The following SLC49A4 variants were observed in gnomAD, a reference collection of about 807,000 sequenced individuals.
SLC49A4 encodes disrupted in renal cancer protein 2.
Under a neutral mutation model 50.6 loss-of-function variants are expected in SLC49A4, and 36 were observed. The observed-to-expected ratio is 0.71, with a 90% CI of 0.55 to 0.94. SLC49A4 has a LOEUF of 0.94. SLC49A4 is among the 40% of genes least tolerant of loss of function. SLC49A4 has a pLI of 0.00. For synonymous variants in SLC49A4, 248 were observed against 241.2 expected (o/e 1.03, Z -0.26); for missense variants, 503 against 605.7 (o/e 0.83, Z 1.78).
intron 7 of SLC49A4, among the ~76,000 whole-genome samples, chr3:122,865,816 A>G (rs1428743576): frequency 6.6e-6 from 1 of 152,190 alleles, no homozygotes; most frequent in Non-Finnish European, 1.5e-5. Flanking sequence ...AAGTTTGTCC[A>G]GTAAAGTGTG....
chr3:122,860,258 C>T, intron 7 of SLC49A4, 56 bp downstream of exon 7: 17 of 1,441,782 alleles, frequency 1.2e-5, no homozygotes, highest in East Asian at 2.6e-5. Context: ...CAGAAGTGTA[C>T]ATAACTCTGA....
At chr3:122,840,930 T>G (rs541873153) in intron 4 of SLC49A4, among the ~76,000 whole-genome samples, 2 of 152,316 alleles carry the variant, frequency 1.3e-5, no homozygotes, top group Admixed American at 6.5e-5. Flanking sequence ...AACACTTCTG[T>G]AGAATACTAT....
chr3:122,832,668 A>G (rs558658673), intron 3 of SLC49A4, among the ~76,000 whole-genome samples: 1 of 152,078 alleles, frequency 6.6e-6, no homozygotes, highest in Non-Finnish European at 1.5e-5. Flanking sequence ...AATCTCTTTT[A>G]TAGTAAGGTA....
At chr3:122,807,566 A>G (rs1470248488) in intron 2 of SLC49A4, among the ~76,000 whole-genome samples, 1 of 152,162 alleles carries the variant, frequency 6.6e-6, no homozygotes, top group Non-Finnish European at 1.5e-5. Context: ...TTGTTTTTAT[A>G]TTGGTTATGA....
At chr3:122,832,679 C>T (rs988890385) in intron 3 of SLC49A4, among the ~76,000 whole-genome samples, 4 of 152,060 alleles carry the variant, frequency 2.6e-5, no homozygotes, top group Non-Finnish European at 5.9e-5. Flanking sequence ...TAGTAAGGTA[C>T]TGTTGGCTTT....
chr3:122,802,892 A>C (rs1936154250), intron 1 of SLC49A4, among the ~76,000 whole-genome samples: 2 of 152,162 alleles, frequency 1.3e-5, no homozygotes, highest in Non-Finnish European at 2.9e-5. Flanking sequence ...AAAACCGATC[A>C]AACAAAAAAC....
chr3:122,838,093 C>T (rs1488746297), intron 4 of SLC49A4, among the ~76,000 whole-genome samples: 1 of 151,654 alleles, frequency 6.6e-6, no homozygotes, highest in Admixed American at 6.6e-5. Flanking sequence ...AATAGGAACA[C>T]TTTTACACTG....
chr3:122,851,894 C>G (rs1348886514), intron 5 of SLC49A4, among the ~76,000 whole-genome samples: 1 of 151,380 alleles, frequency 6.6e-6, no homozygotes, highest in Non-Finnish European at 1.5e-5. Context: ...TTTTAGCTAT[C>G]TTTTCTTCCA....
At chr3:122,860,566 T>C (rs1937048428) in intron 7 of SLC49A4, among the ~76,000 whole-genome samples, 1 of 152,212 alleles carries the variant, frequency 6.6e-6, no homozygotes, top group Non-Finnish European at 1.5e-5. Flanking sequence ...AAAACTATGG[T>C]ATACTTCAGT....
rs913180510 is a variant in SLC49A4 at position 122,860,190 on chromosome 3, C to A, written c.1126C>A (p.Pro376Thr). 1 of 1,601,734 alleles carries A rather than the reference C, an allele frequency of 6.2e-7. No individual in the cohort carries two copies. The highest frequency in any genetic ancestry group is 1.7e-5 in the Admixed American group (1 of 58,006). The part of the protein sequence containing the change: ...LTCLNSITHL[P>T]LTTVTLYASC... ...CTGTTTGAACAGCATCACACACCTA[C>A]CTTTAACCACAGGTGAGCATAGGCT... is the stretch of plus-strand genomic sequence containing the variant. Residue 376 changes from proline to threonine, a missense_variant, in exon 7 of 9, where the codon CCT becomes ACT. Transcript: ENST00000261038.
intron 7 of SLC49A4, among the ~76,000 whole-genome samples, chr3:122,866,861 G>A (rs1365670268): frequency 6.6e-6 from 1 of 152,004 alleles, no homozygotes; most frequent in African/African-American, 2.4e-5. Context: ...TTTTCCTGCT[G>A]CATTCAGCAC....
chr3:122,868,897 ACATATAGTAGCCCATTTGTCCTC>A (rs1486671439), intron 7 of SLC49A4, among the ~76,000 whole-genome samples: 1 of 152,206 alleles, frequency 6.6e-6, no homozygotes, highest in Non-Finnish European at 1.5e-5. Context: ...CGTTTATCCT[ACATATAGTAGCCCATTTGTCCTC>A]CATATAATAG....
chr3:122,816,078 C>A (rs1175680863), intron 2 of SLC49A4, among the ~76,000 whole-genome samples: 2 of 152,244 alleles, frequency 1.3e-5, no homozygotes, highest in Admixed American at 6.5e-5. Flanking sequence ...GGGTACCCAT[C>A]CCAGATTTTC....
chr3:122,859,659 A>C (rs928507422), intron 6 of SLC49A4, among the ~76,000 whole-genome samples: 2 of 152,128 alleles, frequency 1.3e-5, no homozygotes, highest in African/African-American at 4.8e-5. Context: ...CAGTCTGGGC[A>C]ACATAGAGAA....
At chr3:122,866,023 C>T (rs1439467609) in intron 7 of SLC49A4, among the ~76,000 whole-genome samples, 1 of 151,992 alleles carries the variant, frequency 6.6e-6, no homozygotes, top group Admixed American at 6.6e-5. Flanking sequence ...GAAGCACCTA[C>T]AAGTTTTTTG....
chr3:122,873,813 G>A lies in SLC49A4; in HGVS notation c.1321+1216G>A, dbSNP rs961438103. The stretch of plus-strand genomic sequence containing the variant: ...GCTTCCAATTAGTTTTCTCAACAAC[G>A]AAGTCTGACAATCATTACATATCAG... On this transcript the variant is annotated intron_variant, in intron 8 of 8. Coordinates refer to ENST00000261038, the MANE Select transcript of SLC49A4 (RefSeq NM_032839.3). 5.9e-5 allele frequency among the ~76,000 whole-genome samples: 9 copies of A among 152,320 alleles called. No homozygotes were observed. In the South Asian group the frequency reaches 1.0e-3, roughly 18 times the overall value.
intron 1 of SLC49A4, among the ~76,000 whole-genome samples, chr3:122,802,458 C>T (rs758824707): frequency 3.9e-5 from 6 of 152,148 alleles, no homozygotes; most frequent in Admixed American, 1.3e-4. Flanking sequence ...CCTCTTGAGT[C>T]TTCAGCAGAA....
At chr3:122,849,289 G>A (rs539509200) in intron 5 of SLC49A4, among the ~76,000 whole-genome samples, 2 of 152,188 alleles carry the variant, frequency 1.3e-5, no homozygotes, top group South Asian at 4.1e-4. Flanking sequence ...TTCATATACT[G>A]ATTTTATATA....
chr3:122,864,952 G>A (rs1364634051), intron 7 of SLC49A4, among the ~76,000 whole-genome samples: 2 of 152,202 alleles, frequency 1.3e-5, no homozygotes, highest in African/African-American at 2.4e-5. Flanking sequence ...GTTCGAGGCT[G>A]TAGTGAGCCA....
Sources: allele counts gnomAD v4.1 joint callset (sites outside exome capture counted in the v4.1 genomes callset), GRCh38; gene constraint gnomAD v4.1.1; transcripts MANE v1.5; gene names NCBI Gene and HGNC (gene_info 2026-07-23, HGNC 2026-07-21).